Variants in PDE3A observed in about 807,000 individuals in gnomAD.
PDE3A encodes the protein cGMP-inhibited 3',5'-cyclic phosphodiesterase 3A.
A neutral mutation model predicts 98.3 loss-of-function variants in PDE3A; 43 were observed. That is an observed-to-expected ratio of 0.44 (90% CI 0.34 to 0.56). The LOEUF (loss-of-function observed/expected upper bound fraction) is 0.56. Ranked by LOEUF, PDE3A falls within the 20% of genes least tolerant of loss-of-function variation. The pLI is 0.01. For synonymous variants in PDE3A, 663 were observed against 567.9 expected (o/e 1.17, Z -2.38); for missense variants, 1,427 against 1,440.7 (o/e 0.99, Z 0.15).
chr12:20,550,323 C>G (rs1278765800), intron 1 of PDE3A, among the ~76,000 whole-genome samples: 1 of 152,054 alleles, frequency 6.6e-6, no homozygotes, highest in East Asian at 1.9e-4. Flanking sequence ...TCACTAGAAG[C>G]CTATTGCTCA....
chr12:20,507,449 C>G (rs1427970314), intron 1 of PDE3A, among the ~76,000 whole-genome samples: 2 of 152,018 alleles, frequency 1.3e-5, no homozygotes, highest in Non-Finnish European at 2.9e-5. Flanking sequence ...CTTTACATCC[C>G]TTGATCTCTT....
intron 1 of PDE3A, among the ~76,000 whole-genome samples, chr12:20,427,791 T>A (rs73067286): frequency 0.21 from 31,216 of 151,408 alleles, 3,353 homozygotes; most frequent in Non-Finnish European, 0.22. Flanking sequence ...CACAGTCACA[T>A]TTTTTTTTCT....
In PDE3A at chr12:20,467,933, C is replaced by CAAAAAAAAAAAAAA. The variant is rs60320142; in HGVS notation, c.961-88693_961-88680dup. Among the ~76,000 whole-genome samples the CAAAAAAAAAAAAAA allele has an allele frequency of 3.4e-4, 12 of 35,698 alleles. 3 individuals are homozygous for CAAAAAAAAAAAAAA. The highest frequency in any genetic ancestry group is 9.2e-4 in the East Asian group (1 of 1,084). 23.4% of individuals were successfully genotyped at this position (35,698 alleles called of 152,430 possible). A position where few individuals can be genotyped will look rare whatever the true frequency, so the allele number is the denominator to read the frequency against. ...CTGGCGACAGAGCGAGACTCCTTCT[C>CAAAAAAAAAAAAAA]AAAAAAAAAAAAAAAAAAAAAAAAA... On this transcript the variant is annotated intron_variant, in intron 1 of 15. Coordinates refer to ENST00000359062, the MANE Select transcript of PDE3A (RefSeq NM_000921.5).
At position 20,588,629 on chromosome 12, in the gene PDE3A, T is replaced by G. The variant is rs1016052338; in HGVS notation, c.1012-24814T>G. Among the ~76,000 whole-genome samples the G allele has an allele frequency of 5.6e-3, 6 of 1,078 alleles. No individual in the cohort carries two copies. In the Non-Finnish European group the frequency reaches 0.065, roughly 12 times the overall value. 0.7% of individuals were successfully genotyped at this position (1,078 alleles called of 152,430 possible). On this transcript the variant is annotated intron_variant, in intron 2 of 15. Coordinates refer to ENST00000359062, the MANE Select transcript of PDE3A (RefSeq NM_000921.5). ...AACCAGTGCACAACAGACCTGAGCA[T>G]ACTACAAACAAACAGCTTTGCTCTT...
At chr12:20,673,120 C>A (rs1945535213) in intron 15 of PDE3A, among the ~76,000 whole-genome samples, 1 of 152,208 alleles carries the variant, frequency 6.6e-6, no homozygotes, top group East Asian at 1.9e-4. Flanking sequence ...CACTGGCCAT[C>A]AGAGAAATGC....
chr12:20,601,908 CA>C (rs1156643929), intron 2 of PDE3A, among the ~76,000 whole-genome samples: 28 of 152,224 alleles, frequency 1.8e-4, no homozygotes, highest in African/African-American at 6.3e-4. Context: ...TTAGCCTAAG[CA>C]AACAGAAGCC....
At chr12:20,612,729 G>GTAATATAGTTACTTATA (rs1943901038) in intron 2 of PDE3A, among the ~76,000 whole-genome samples, 12 of 10,120 alleles carry the variant, frequency 1.2e-3, no homozygotes, top group Non-Finnish European at 2.1e-3. Flanking sequence ...TAAACTATAT[G>GTAATATAGTTACTTATA]TAAGTAATAT....
chr12:20,515,078 A>G (rs35340841), intron 1 of PDE3A, among the ~76,000 whole-genome samples: 42,331 of 152,116 alleles, frequency 0.28, 6,894 homozygotes, highest in East Asian at 0.54. Flanking sequence ...AATGGTATCA[A>G]TCCCAGCCAT....
intron 1 of PDE3A, chr12:20,371,584 A>C (rs1943476572): frequency 3.9e-6 from 1 of 256,672 alleles, no homozygotes; most frequent in African/African-American, 2.3e-5. Flanking sequence ...AATGGAGTTG[A>C]TTACACAGAT....
chr12:20,597,111 A>G (rs73233994), intron 2 of PDE3A, among the ~76,000 whole-genome samples: 2,078 of 152,278 alleles, frequency 0.014, 42 homozygotes, highest in African/African-American at 0.048. Context: ...TCCCTTTACA[A>G]TGTCATTGTT....
chr12:20,524,711 C>T (rs931327709), intron 1 of PDE3A, among the ~76,000 whole-genome samples: 3 of 152,050 alleles, frequency 2.0e-5, no homozygotes, highest in Non-Finnish European at 4.4e-5. Context: ...AATGAACACA[C>T]AGGCATCAAC....
At position 20,646,812 on chromosome 12, in the gene PDE3A, G is replaced by A. The variant is rs1164096716; in HGVS notation, c.2427G>A (p.Val809=). The change falls in exon 12 of 16, where the codon GTG becomes GTA. Residue 809 remains valine, a synonymous_variant. Coordinates refer to ENST00000359062, the MANE Select transcript of PDE3A (RefSeq NM_000921.5). ...ATGTATTCTCAAAAACGTATAATGTGACAGATGATAAATACGGATGTCTGT... is the reference window on the plus strand; with the variant it reads ...ATGTATTCTCAAAAACGTATAATGTAACAGATGATAAATACGGATGTCTGT... ...MGYVFSKTYN[V]TDDKYGCLSG... The A allele has an allele frequency of 1.9e-6, 3 of 1,611,672 alleles. No homozygotes were observed. Among genetic ancestry groups the A allele is most frequent in the African/African-American group, 2.7e-5 (2 of 74,864 alleles).
At chr12:20,427,565 T>C (rs544206212) in intron 1 of PDE3A, among the ~76,000 whole-genome samples, 1 of 152,322 alleles carries the variant, frequency 6.6e-6, no homozygotes, top group Admixed American at 6.5e-5. Context: ...TCTGTATGAA[T>C]ATTACCAAGT....
At chr12:20,477,602 T>G (rs1945552789) in intron 1 of PDE3A, among the ~76,000 whole-genome samples, 1 of 152,200 alleles carries the variant, frequency 6.6e-6, no homozygotes, top group Non-Finnish European at 1.5e-5. Context: ...AACCTTGATT[T>G]CTGCTAAAAT....
intron 1 of PDE3A, among the ~76,000 whole-genome samples, chr12:20,421,784 G>A (rs1299950324): frequency 1.3e-5 from 2 of 152,072 alleles, no homozygotes; most frequent in East Asian, 3.9e-4. Context: ...TTGCTCCTTT[G>A]AATAGCTGGC....
chr12:20,652,766 G>A (rs998122843), intron 14 of PDE3A, among the ~76,000 whole-genome samples: 2 of 152,092 alleles, frequency 1.3e-5, no homozygotes, highest in African/African-American at 4.8e-5. Flanking sequence ...ATAGGCATGG[G>A]CAAGGACTTC....
intron 1 of PDE3A, among the ~76,000 whole-genome samples, chr12:20,454,053 T>C (rs1197278614): frequency 6.6e-6 from 1 of 152,144 alleles, no homozygotes; most frequent in Non-Finnish European, 1.5e-5. Flanking sequence ...AGACATCAGC[T>C]ATAGACAGCA....
chr12:20,660,155 G>C (rs1205699596), intron 15 of PDE3A, among the ~76,000 whole-genome samples: 1 of 152,142 alleles, frequency 6.6e-6, no homozygotes, highest in Non-Finnish European at 1.5e-5. Context: ...TTTTATAAGA[G>C]GCTTTTCCCC....
At chr12:20,451,836 C>T (rs766777952) in intron 1 of PDE3A, among the ~76,000 whole-genome samples, 21 of 152,142 alleles carry the variant, frequency 1.4e-4, no homozygotes, top group Non-Finnish European at 1.8e-4. Context: ...GTGCCTATAA[C>T]GTGGTTGCAG....
Sources: allele counts gnomAD v4.1 joint callset (sites outside exome capture counted in the v4.1 genomes callset), GRCh38; gene constraint gnomAD v4.1.1; transcripts MANE v1.5; gene names NCBI Gene and HGNC (gene_info 2026-07-23, HGNC 2026-07-21).